Variants in XYLT1 observed in about 807,000 individuals in gnomAD.
The protein encoded by XYLT1 is beta-D-xylosyltransferase 1.
A neutral mutation model predicts 91.3 loss-of-function variants in XYLT1; 36 were observed. That is an observed-to-expected ratio of 0.39 (90% CI 0.30 to 0.52). The LOEUF (loss-of-function observed/expected upper bound fraction) is 0.52. XYLT1 is among the 20% of genes least tolerant of loss of function. The pLI is 0.68. For missense variants in XYLT1, 1,242 were observed against 1,284.5 expected, an observed-to-expected ratio of 0.97 and a Z score of 0.51; for synonymous variants, 588 against 532.0, an observed-to-expected ratio of 1.11 and a Z score of -1.45.
intron 1 of XYLT1, among the ~76,000 whole-genome samples, chr16:17,447,637 A>G (rs1596550926): frequency 1.3e-5 from 2 of 152,310 alleles, no homozygotes; most frequent in South Asian, 2.1e-4. Flanking sequence ...ACATATTCCT[A>G]CATCCCAGGG....
intron 1 of XYLT1, among the ~76,000 whole-genome samples, chr16:17,375,065 A>G (rs2035580917): frequency 6.6e-6 from 1 of 152,156 alleles, no homozygotes; most frequent in Non-Finnish European, 1.5e-5. Flanking sequence ...CTATTAATAT[A>G]AGGCAGACAC....
chr16:17,354,453 C>G (rs949737423), intron 2 of XYLT1, among the ~76,000 whole-genome samples: 2 of 152,130 alleles, frequency 1.3e-5, no homozygotes, highest in Non-Finnish European at 2.9e-5. Flanking sequence ...GCAATTCACA[C>G]GAGGGAGAGA....
At chr16:17,255,199 A>G (rs2033612778) in intron 3 of XYLT1, among the ~76,000 whole-genome samples, 1 of 151,954 alleles carries the variant, frequency 6.6e-6, no homozygotes, top group South Asian at 2.1e-4. Flanking sequence ...AGGTTTCGCC[A>G]TGTTGGCCAG....
intron 3 of XYLT1, among the ~76,000 whole-genome samples, chr16:17,248,917 G>C (rs955522564): frequency 6.6e-6 from 1 of 151,686 alleles, no homozygotes; most frequent in African/African-American, 2.4e-5. Context: ...AGGAGAGATG[G>C]GGTTTCACTA....
At chr16:17,268,194 C>A (rs922289151) in intron 2 of XYLT1, among the ~76,000 whole-genome samples, 1 of 152,128 alleles carries the variant, frequency 6.6e-6, no homozygotes, top group Admixed American at 6.6e-5. Flanking sequence ...ATCTAGCTAT[C>A]TTCTATTAAG....
At chr16:17,199,628 C>T (rs868808498) in intron 4 of XYLT1, among the ~76,000 whole-genome samples, 51 of 152,142 alleles carry the variant, frequency 3.4e-4, no homozygotes, top group African/African-American at 1.1e-3. Context: ...ATACTGTTCT[C>T]GTGGTAGTGA....
At chr16:17,434,863 G>C (rs1199205382) in intron 1 of XYLT1, among the ~76,000 whole-genome samples, 1 of 147,754 alleles carries the variant, frequency 6.8e-6, no homozygotes, top group African/African-American at 2.6e-5. Flanking sequence ...GCGAGACCCT[G>C]TCTCTAAGAA....
At chr16:17,353,194 C>T (rs1046467255) in intron 2 of XYLT1, among the ~76,000 whole-genome samples, 4 of 152,282 alleles carry the variant, frequency 2.6e-5, no homozygotes, top group East Asian at 3.9e-4. Context: ...TCAGCATAAA[C>T]GAAGACCTGC....
chr16:17,188,703 T>A (rs2032243816), intron 5 of XYLT1, among the ~76,000 whole-genome samples: 1 of 152,208 alleles, frequency 6.6e-6, no homozygotes, highest in Non-Finnish European at 1.5e-5. Context: ...TTAATGTCTG[T>A]CTCCTTCCTC....
chr16:17,180,419 G>C (rs570349228), intron 5 of XYLT1, among the ~76,000 whole-genome samples: 9 of 152,268 alleles, frequency 5.9e-5, no homozygotes, highest in African/African-American at 2.2e-4. Flanking sequence ...CCTTAAACCA[G>C]ATTCCGGCAT....
intron 3 of XYLT1, among the ~76,000 whole-genome samples, chr16:17,206,573 T>C (rs1007503029): frequency 2.6e-5 from 4 of 152,084 alleles, no homozygotes; most frequent in Non-Finnish European, 4.4e-5. Flanking sequence ...CAAATACTTA[T>C]CATGCTTGCG....
chr16:17,138,490 G>T lies in XYLT1; in HGVS notation c.1629C>A (p.Asp543Glu). The T allele has an allele frequency of 1.2e-6, 2 of 1,614,148 alleles. No individual in the cohort carries two copies. Among genetic ancestry groups the T allele is most frequent in the Non-Finnish European group, 1.7e-6 (2 of 1,180,034 alleles). ...TGCGCAGGTTGTTGTCCACCATGGT[G>T]TCGCAGTGGGGGCTGTTCTCCAGGA... is the stretch of plus-strand genomic sequence containing the variant. ...HTVLENSPHCDTMVDNNLRIT... is the reference protein window; with the variant it reads ...HTVLENSPHCETMVDNNLRIT... The change falls in exon 8 of 12, where the codon GAC becomes GAA. Residue 543 changes from aspartate to glutamate, a missense_variant. Asp to Glu is a conservative substitution (Grantham distance 45). Coordinates refer to ENST00000261381, the MANE Select transcript of XYLT1 (RefSeq NM_022166.4).
At chr16:17,263,689 CCCCTT>C (rs1483959496) in intron 2 of XYLT1, among the ~76,000 whole-genome samples, 2 of 151,668 alleles carry the variant, frequency 1.3e-5, no homozygotes, top group Non-Finnish European at 2.9e-5. Context: ...TCTGGCTTCC[CCCCTT>C]CAATTCATTT....
intron 9 of XYLT1, among the ~76,000 whole-genome samples, chr16:17,130,435 C>CA (rs2030425797): frequency 6.7e-6 from 1 of 149,094 alleles, no homozygotes; most frequent in East Asian, 2.0e-4. Flanking sequence ...AGCAGCAGTC[C>CA]AAAAAATTTA....
At chr16:17,344,362 G>T (rs574162547) in intron 2 of XYLT1, among the ~76,000 whole-genome samples, 1 of 151,284 alleles carries the variant, frequency 6.6e-6, no homozygotes, top group Admixed American at 6.6e-5. Flanking sequence ...GCGTGGTGGC[G>T]GGCGCCTGTA....
intron 9 of XYLT1, among the ~76,000 whole-genome samples, chr16:17,129,275 T>C (rs538097569): frequency 2.5e-4 from 38 of 152,040 alleles, no homozygotes; most frequent in South Asian, 8.3e-4. Context: ...TATTTATTTA[T>C]TTTTGAGGCA....
chr16:17,163,390 G>A (rs1375854464), intron 5 of XYLT1, among the ~76,000 whole-genome samples: 1 of 152,076 alleles, frequency 6.6e-6, no homozygotes, highest in Non-Finnish European at 1.5e-5. Flanking sequence ...AAGGTGCCCT[G>A]GGCACACAGA....
At chr16:17,453,654 T>C (rs1382391469) in intron 1 of XYLT1, among the ~76,000 whole-genome samples, 1 of 151,782 alleles carries the variant, frequency 6.6e-6, no homozygotes, top group African/African-American at 2.4e-5. Context: ...CAGCACAGAG[T>C]TTCAATGTAA....
intron 5 of XYLT1, among the ~76,000 whole-genome samples, chr16:17,171,982 G>A (rs182612073): frequency 6.6e-6 from 1 of 152,268 alleles, no homozygotes; most frequent in Non-Finnish European, 1.5e-5. Context: ...CCCAATCTTG[G>A]GCAGATGACA....
Sources: gnomAD v4.1 joint callset for allele counts (sites outside exome capture counted in the v4.1 genomes callset) on GRCh38, gnomAD v4.1.1 for gene constraint, MANE v1.5 for transcripts, NCBI Gene and HGNC (gene_info 2026-07-23, HGNC 2026-07-21) for gene names.